KIAA0825: variants seen among roughly 807,000 people sequenced by gnomAD.
The protein encoded by KIAA0825 is uncharacterized protein KIAA0825.
KIAA0825 carries 119 observed loss-of-function variants against 147.6 expected under a neutral mutation model. The observed-to-expected ratio is 0.81, with a 90% CI of 0.69 to 0.94. The LOEUF is 0.94. Among genes scored for constraint, KIAA0825 ranks in the 40% least tolerant of loss-of-function variants. KIAA0825 has a pLI of 0.00. For missense variants in KIAA0825, 1,381 were observed against 1,472.7 expected, an observed-to-expected ratio of 0.94 and a Z score of 1.02; for synonymous variants, 470 against 518.1, an observed-to-expected ratio of 0.91 and a Z score of 1.26.
At chr5:94,269,087 T>C (rs1408911517) in intron 20 of KIAA0825, among the ~76,000 whole-genome samples, 5 of 152,196 alleles carry the variant, frequency 3.3e-5, no homozygotes. Flanking sequence ...CTAGTTTACA[T>C]TGTATGTTAA....
intron 20 of KIAA0825, among the ~76,000 whole-genome samples, chr5:94,321,602 T>G (rs1174114829): frequency 6.6e-6 from 1 of 151,994 alleles, no homozygotes; most frequent in Non-Finnish European, 1.5e-5. Context: ...TGTTCCATGA[T>G]TCTGCTAGCA....
chr5:94,190,941 A>G lies in KIAA0825; in HGVS notation c.3711-36817T>C, dbSNP rs531727452. Among the ~76,000 whole-genome samples the G allele has an allele frequency of 6.6e-5, 10 of 152,284 alleles. No homozygotes were observed. The South Asian group carries it at 1.5e-3, about 22-fold the overall frequency. On this transcript the variant is annotated intron_variant, in intron 20 of 20. Coordinates refer to ENST00000682413, the MANE Select transcript of KIAA0825 (RefSeq NM_001145678.3). ...CCAAATGCTAGACATCTGAGTTAGT[A>G]TGGGTAGGAATGGGGTCTGTTCAAA...
intron 20 of KIAA0825, among the ~76,000 whole-genome samples, chr5:94,181,125 G>A (rs1051575590): frequency 6.6e-6 from 1 of 152,166 alleles, no homozygotes; most frequent in Non-Finnish European, 1.5e-5. Context: ...TAAATCAGAA[G>A]CTACCCTATC....
intron 20 of KIAA0825, among the ~76,000 whole-genome samples, chr5:94,383,521 G>A (rs1011592760): frequency 3.3e-5 from 5 of 151,978 alleles, no homozygotes; most frequent in Non-Finnish European, 7.4e-5. Flanking sequence ...TCATATAGAC[G>A]ATAAGCCTCA....
intron 20 of KIAA0825, among the ~76,000 whole-genome samples, chr5:94,338,752 G>A (rs1022692206): frequency 4.6e-5 from 7 of 151,956 alleles, no homozygotes; most frequent in East Asian, 1.9e-4. Flanking sequence ...TTATAGATAC[G>A]CACTATGATG....
At chr5:94,344,205 C>G (rs912555984) in intron 20 of KIAA0825, among the ~76,000 whole-genome samples, 1 of 152,126 alleles carries the variant, frequency 6.6e-6, no homozygotes, top group African/African-American at 2.4e-5. Flanking sequence ...TCCAAATATT[C>G]ATCAACAGTG....
At chr5:94,162,403 G>A (rs79479587) in intron 20 of KIAA0825, among the ~76,000 whole-genome samples, 2,280 of 151,926 alleles carry the variant, frequency 0.015, 37 homozygotes, top group South Asian at 0.047. Context: ...GGGTTCCAGC[G>A]ATTGTCCTGC....
intron 20 of KIAA0825, among the ~76,000 whole-genome samples, chr5:94,258,436 T>A (rs1776345326): frequency 6.6e-6 from 1 of 151,974 alleles, no homozygotes; most frequent in African/African-American, 2.4e-5. Context: ...GCCAATAGAA[T>A]AGAATAATGT....
At chr5:94,417,075 TGTAAG>T (rs1753566434) in intron 15 of KIAA0825, 121 bp downstream of exon 15, 3 of 860,732 alleles carry the variant, frequency 3.5e-6, no homozygotes, top group Non-Finnish European at 5.4e-6. Flanking sequence ...ACTGAAAAAA[TGTAAG>T]GTAAACTTTC....
At chr5:94,279,804 T>C (rs2150153167) in intron 20 of KIAA0825, among the ~76,000 whole-genome samples, 1 of 152,178 alleles carries the variant, frequency 6.6e-6, no homozygotes, top group South Asian at 2.1e-4. Flanking sequence ...CCTAAACAGA[T>C]ACTTTTCGAT....
chr5:94,479,182 AC>A (rs932591646), intron 6 of KIAA0825, among the ~76,000 whole-genome samples: 3 of 151,980 alleles, frequency 2.0e-5, no homozygotes, highest in African/African-American at 7.2e-5. Flanking sequence ...AATGTCATGT[AC>A]CCCCCATTAC....
At chr5:94,220,694 A>G (rs1311892708) in intron 20 of KIAA0825, among the ~76,000 whole-genome samples, 1 of 152,226 alleles carries the variant, frequency 6.6e-6, no homozygotes, top group Non-Finnish European at 1.5e-5. Flanking sequence ...AAACATCATT[A>G]TGTGGCAAAT....
At chr5:94,254,660 G>T (rs1044219323) in intron 20 of KIAA0825, among the ~76,000 whole-genome samples, 4 of 152,020 alleles carry the variant, frequency 2.6e-5, no homozygotes, top group Non-Finnish European at 4.4e-5. Flanking sequence ...ACATCTCTAT[G>T]ATATTGACAA....
At chr5:94,342,115 G>A (rs1323855831) in intron 20 of KIAA0825, among the ~76,000 whole-genome samples, 2 of 151,942 alleles carry the variant, frequency 1.3e-5, no homozygotes, top group Non-Finnish European at 2.9e-5. Context: ...AGAATGGCAT[G>A]AACCTGGGAG....
At chr5:94,519,382 T>C in intron 5 of KIAA0825, 1 of 897,562 alleles carries the variant, frequency 1.1e-6, no homozygotes, top group South Asian at 5.2e-5. Context: ...CCTCAGATTT[T>C]ATATAAAAGC....
At chr5:94,160,279 A>G (rs962061437) in intron 20 of KIAA0825, among the ~76,000 whole-genome samples, 40 of 151,594 alleles carry the variant, frequency 2.6e-4, no homozygotes, top group African/African-American at 9.4e-4. Flanking sequence ...GCATCTTTAA[A>G]CTTTGTTTTT....
intron 1 of KIAA0825, among the ~76,000 whole-genome samples, chr5:94,600,447 G>A (rs1036273554): frequency 1.3e-5 from 2 of 150,032 alleles, no homozygotes. Flanking sequence ...TTCCTTATGT[G>A]TATATATATA....
At chr5:94,505,170 C>T (rs538424464) in intron 5 of KIAA0825, among the ~76,000 whole-genome samples, 1 of 151,880 alleles carries the variant, frequency 6.6e-6, no homozygotes, top group East Asian at 2.0e-4. Context: ...ACCAGCCTAG[C>T]GAACACAGTG....
At chr5:94,229,237 A>G (rs1774474650) in intron 20 of KIAA0825, among the ~76,000 whole-genome samples, 1 of 152,136 alleles carries the variant, frequency 6.6e-6, no homozygotes, top group Admixed American at 6.6e-5. Flanking sequence ...GAATCCTTGT[A>G]TGTGTGAAAA....
Sources: allele counts gnomAD v4.1 joint callset (sites outside exome capture counted in the v4.1 genomes callset), GRCh38; gene constraint gnomAD v4.1.1; transcripts MANE v1.5; gene names NCBI Gene and HGNC (gene_info 2026-07-23, HGNC 2026-07-21).